Variants in NOL4L observed in about 807,000 individuals in gnomAD.
NOL4L encodes the protein nucleolar protein 4-like.
A neutral mutation model predicts 64.5 loss-of-function variants in NOL4L; 7 were observed. That is an observed-to-expected ratio of 0.11 (90% CI 0.06 to 0.20). The LOEUF is 0.20. Ranked by LOEUF, NOL4L falls within the 10% of genes least tolerant of loss-of-function variation. The pLI is 1.00. For synonymous variants in NOL4L, 413 were observed against 401.0 expected, an observed-to-expected ratio of 1.03 and a Z score of -0.36; for missense variants, 680 against 967.1, an observed-to-expected ratio of 0.70 and a Z score of 3.94.
chr20:32,562,407 T>C (rs981465573), intron 1 of NOL4L, among the ~76,000 whole-genome samples: 1 of 152,162 alleles, frequency 6.6e-6, no homozygotes, highest in African/African-American at 2.4e-5. Context: ...TCCAGGCTGA[T>C]TTGCTGGGCA....
At chr20:32,583,649 C>A (rs1377952648) in intron 1 of NOL4L, among the ~76,000 whole-genome samples, 1 of 149,782 alleles carries the variant, frequency 6.7e-6, no homozygotes, top group Non-Finnish European at 1.5e-5. Context: ...AGCGGCCGCC[C>A]CCCCCCCAGC....
At chr20:32,499,954 TG>T (rs1482216871) in intron 4 of NOL4L, among the ~76,000 whole-genome samples, 1 of 152,050 alleles carries the variant, frequency 6.6e-6, no homozygotes, top group Non-Finnish European at 1.5e-5. Flanking sequence ...GATTCTGTTT[TG>T]GATGGAAACT....
intron 4 of NOL4L, among the ~76,000 whole-genome samples, chr20:32,500,251 G>T (rs1300100354): frequency 6.6e-6 from 1 of 151,874 alleles, no homozygotes; most frequent in Non-Finnish European, 1.5e-5. Context: ...TAGAGATGAG[G>T]TTTGCCCAGG....
intron 10 of NOL4L, 38 bp from the exon 11 acceptor site, chr20:32,447,854 C>T (rs780026785): frequency 2.6e-6 from 4 of 1,515,392 alleles, no homozygotes; most frequent in African/African-American, 1.4e-5. Context: ...GGAGCAGCCA[C>T]CCTGCCTGGC....
intron 1 of NOL4L, among the ~76,000 whole-genome samples, chr20:32,556,203 C>G (rs1024403942): frequency 6.6e-6 from 1 of 152,000 alleles, no homozygotes; most frequent in East Asian, 1.9e-4. Flanking sequence ...TATTCCCCGA[C>G]CAAAACAGCA....
intron 1 of NOL4L, among the ~76,000 whole-genome samples, chr20:32,547,557 C>G (rs2018748758): frequency 1.3e-5 from 2 of 152,124 alleles, no homozygotes; most frequent in South Asian, 4.1e-4. Context: ...TCCCATAGTT[C>G]AGGGATTACA....
chr20:32,475,432 C>T lies in NOL4L; in HGVS notation c.700-690G>A, dbSNP rs1215815196. 8 of 705,860 alleles carry T rather than the reference C, an allele frequency of 1.1e-5. No individual in the cohort carries two copies. The East Asian group carries it at 5.3e-4, about 47-fold the overall frequency. 43.7% of individuals were successfully genotyped at this position (705,860 alleles called of 1,614,324 possible). ...GGTTCAGCTCAAGGGCCTGGGGGGC[C>T]GCCAGGGCGTTCCAAACAGCCGGAT... On this transcript the variant is annotated intron_variant, in intron 4 of 10. Transcript: ENST00000621426.
At chr20:32,494,510 C>T (rs1003016983) in intron 4 of NOL4L, among the ~76,000 whole-genome samples, 15 of 152,112 alleles carry the variant, frequency 9.9e-5, no homozygotes, top group African/African-American at 3.4e-4. Context: ...CCCAAGCCTT[C>T]GGCATCTTAA....
In NOL4L at chr20:32,485,085, A is replaced by AAAAAAAAAAAAAC. The variant is rs1568643237; in HGVS notation, c.700-10344_700-10343insGTTTTTTTTTTTT. Reference sequence around the variant, plus strand: ...AAAAAAAAAAAAAAAAAAAAAAAAAAAACAACTAAAAAAAAACCCTGATAA... The same window carrying AAAAAAAAAAAAAC: ...AAAAAAAAAAAAAAAAAAAAAAAAAAAAAAAAAAAAAACAACAACTAAAAAAAAACCCTGATAA... On this transcript the variant is annotated intron_variant, in intron 4 of 10. Coordinates refer to ENST00000621426, the MANE Select transcript of NOL4L (RefSeq NM_001256798.2). Among the ~76,000 whole-genome samples, 7 of 144,412 alleles carry AAAAAAAAAAAAAC rather than the reference A, an allele frequency of 4.8e-5. No homozygotes were observed. In the East Asian group the frequency reaches 8.4e-4, roughly 17 times the overall value. 94.7% of individuals were successfully genotyped at this position (144,412 alleles called of 152,430 possible).
intron 1 of NOL4L, among the ~76,000 whole-genome samples, chr20:32,544,962 G>A (rs1157048183): frequency 1.3e-5 from 2 of 152,204 alleles, no homozygotes; most frequent in African/African-American, 4.8e-5. Context: ...AAAGCACACA[G>A]CTGGGAATTG....
intron 5 of NOL4L, among the ~76,000 whole-genome samples, chr20:32,469,350 T>C (rs1242409750): frequency 7.6e-6 from 1 of 132,096 alleles, no homozygotes; most frequent in Non-Finnish European, 1.5e-5. Flanking sequence ...TTTTTCCTCC[T>C]TTATTTTTCT....
At chr20:32,529,608 C>A (rs1256656842) in intron 1 of NOL4L, among the ~76,000 whole-genome samples, 2 of 152,198 alleles carry the variant, frequency 1.3e-5, no homozygotes, top group Non-Finnish European at 2.9e-5. Flanking sequence ...TCACCAGCAG[C>A]CCATTCAAGA....
chr20:32,552,703 A>G (rs1435131165), intron 1 of NOL4L, among the ~76,000 whole-genome samples: 2 of 150,594 alleles, frequency 1.3e-5, no homozygotes, highest in Non-Finnish European at 3.0e-5. Flanking sequence ...AAAACAAAAC[A>G]AAACAACACC....
Position 32,463,223 on chromosome 20 carries a change from T to C in NOL4L, c.842-6828A>G, listed in dbSNP as rs1163571813. ...AGGCTCAGTGGGAAGCTGGGAGTTC[T>C]GGATGGACCCTCCACACCTGGAGCT... On this transcript the variant is annotated intron_variant, in intron 5 of 10. Transcript: ENST00000621426. This position sits in a 1 kb window ranked among gnomAD's most constrained non-coding sequence, Gnocchi z 5.8. 6.6e-6 allele frequency among the ~76,000 whole-genome samples: 1 copy of C among 152,220 alleles called. No homozygotes were observed. Among genetic ancestry groups the C allele is most frequent in the Non-Finnish European group, 1.5e-5 (1 of 68,020 alleles).
chr20:32,544,441 C>T (rs953777675), intron 1 of NOL4L, among the ~76,000 whole-genome samples: 2 of 152,110 alleles, frequency 1.3e-5, no homozygotes, highest in Non-Finnish European at 2.9e-5. Context: ...CCACCTCCCA[C>T]CTCCCTGCGC....
chr20:32,563,429 A>G (rs1887510536), intron 1 of NOL4L, among the ~76,000 whole-genome samples: 2 of 151,814 alleles, frequency 1.3e-5, no homozygotes, highest in African/African-American at 4.8e-5. Context: ...TTCATAGAGG[A>G]CCGAAAGGAG....
At position 32,462,903 on chromosome 20, in the gene NOL4L, T is replaced by TAAAAAAAAAAAAAAAAAAA. The variant is rs564168973; in HGVS notation, c.842-6527_842-6509dup. Reference sequence around the variant, plus strand: ...CTGGCGACAAAGCGAGACTCTGTCTTAAAAAAAAAAAAAAAAAAAACTGAT... The same window carrying TAAAAAAAAAAAAAAAAAAA: ...CTGGCGACAAAGCGAGACTCTGTCTTAAAAAAAAAAAAAAAAAAAAAAAAAAAAAAAAAAAAAAACTGAT... On this transcript the variant is annotated intron_variant, in intron 5 of 10. Coordinates refer to ENST00000621426, the MANE Select transcript of NOL4L (RefSeq NM_001256798.2). 7.8e-4 allele frequency among the ~76,000 whole-genome samples: 60 copies of TAAAAAAAAAAAAAAAAAAA among 76,626 alleles called. 7 individuals are homozygous for TAAAAAAAAAAAAAAAAAAA. The highest frequency in any genetic ancestry group is 3.0e-3 in the East Asian group (2 of 666). 50.3% of individuals were successfully genotyped at this position (76,626 alleles called of 152,430 possible).
chr20:32,515,166 A>C (rs980211126), intron 3 of NOL4L, among the ~76,000 whole-genome samples: 7 of 151,932 alleles, frequency 4.6e-5, no homozygotes, highest in Admixed American at 3.3e-4. Flanking sequence ...GCCTGTTCCC[A>C]CCCCAGTGTC....
In NOL4L at chr20:32,520,826, C is replaced by T; in HGVS notation, c.574G>A (p.Gly192Ser). The change falls in exon 3 of 11, where the codon GGC becomes AGC. Residue 192 changes from glycine to serine, a missense_variant. Coordinates refer to ENST00000621426, the MANE Select transcript of NOL4L (RefSeq NM_001256798.2). ...CQKRMHFNSN[G>S]LEPKENEPPS... is the part of the protein sequence containing the mutation. ...CCCCTGCTACCTTTGGGTTCCAGGC[C>T]ATTGGAGTTAAAGTGCATCCTCTTC... 1 of 1,549,942 alleles carries T rather than the reference C, an allele frequency of 6.5e-7. No homozygotes were observed. Among genetic ancestry groups the T allele is most frequent in the Non-Finnish European group, 8.7e-7 (1 of 1,146,326 alleles).
Sources: gnomAD v4.1 joint callset for allele counts (sites outside exome capture counted in the v4.1 genomes callset) on GRCh38, gnomAD v4.1.1 for gene constraint, Gnocchi (gnomAD v3.1) non-coding constraint, MANE v1.5 for transcripts, NCBI Gene and HGNC (gene_info 2026-07-23, HGNC 2026-07-21) for gene names.